The following AGAP1 variants were observed in gnomAD, a reference collection of about 807,000 sequenced individuals.
AGAP1 encodes the protein arf-GAP with GTPase, ANK repeat and PH domain-containing protein 1.
A neutral mutation model predicts 105.3 loss-of-function variants in AGAP1; 29 were observed. The ratio of observed to expected loss-of-function variants is 0.28; its 90% confidence interval spans 0.21 to 0.38. AGAP1 has a LOEUF of 0.38. Ranked by LOEUF, AGAP1 falls within the 10% of genes least tolerant of loss-of-function variation. AGAP1 has a pLI of 1.00. For synonymous variants in AGAP1, 509 were observed against 485.9 expected (o/e 1.05, Z -0.63); for missense variants, 998 against 1,165.1 (o/e 0.86, Z 2.09).
At chr2:235,686,640 T>TATATATAG (rs1949435368) in intron 1 of AGAP1, among the ~76,000 whole-genome samples, 2 of 48,654 alleles carry the variant, frequency 4.1e-5, no homozygotes, top group Non-Finnish European at 7.3e-5. Context: ...TATATATATA[T>TATATATAG]ATATAGATAT....
chr2:235,936,035 T>C lies in AGAP1; in HGVS notation c.1483+5112T>C, dbSNP rs1052867415. On this transcript the variant is annotated intron_variant, in intron 12 of 17. Coordinates refer to ENST00000304032, the MANE Select transcript of AGAP1 (RefSeq NM_001037131.3). This position sits in a 1 kb window ranked among gnomAD's most constrained non-coding sequence, Gnocchi z 4.7. ...CTCGTCGGGTGGTCTCAGCTAATGC[T>C]GTTGCCATGGCAGCCTCGCTCCCCC... Among the ~76,000 whole-genome samples the C allele has an allele frequency of 6.6e-6, 1 of 152,202 alleles. No homozygotes were observed. The highest frequency in any genetic ancestry group is 1.5e-5 in the Non-Finnish European group (1 of 68,038).
At chr2:235,513,867 T>C (rs114593976) in intron 1 of AGAP1, among the ~76,000 whole-genome samples, 1,944 of 152,294 alleles carry the variant, frequency 0.013, 31 homozygotes, top group African/African-American at 0.044. Flanking sequence ...TGGAGTCCTT[T>C]CTTAGTTAAA....
In AGAP1 at chr2:235,906,706, A is replaced by G. The variant is rs1280779300; in HGVS notation, c.1156-2032A>G. ...CCTGACCATGGTTGGGCAGGGAGAA[A>G]ACAGCTCTTCTCATCCTCTGCCCTG... On this transcript the variant is annotated intron_variant, in intron 10 of 17. Coordinates refer to ENST00000304032, the MANE Select transcript of AGAP1 (RefSeq NM_001037131.3). This position sits in a 1 kb window ranked among gnomAD's most constrained non-coding sequence, Gnocchi z 5.3. 1.3e-5 allele frequency among the ~76,000 whole-genome samples: 2 copies of G among 150,220 alleles called. No homozygotes were observed. The highest frequency in any genetic ancestry group is 2.9e-5 in the Non-Finnish European group (2 of 68,028).
chr2:235,848,988 C>G (rs755108443), intron 9 of AGAP1, among the ~76,000 whole-genome samples: 1 of 152,172 alleles, frequency 6.6e-6, no homozygotes, highest in Non-Finnish European at 1.5e-5. Flanking sequence ...CATGTTGTTC[C>G]TTAAAGCTCT....
chr2:235,761,182 T>G lies in AGAP1; in HGVS notation c.673+10694T>G, dbSNP rs72975262. ...AAACAACCAGAGACAATAAATAAAT[T>G]GTTATTTAGTGATGTTGCAGAATAT... On this transcript the variant is annotated intron_variant, in intron 6 of 17. Coordinates refer to ENST00000304032, the MANE Select transcript of AGAP1 (RefSeq NM_001037131.3). 5.6e-3 allele frequency among the ~76,000 whole-genome samples: 846 copies of G among 152,258 alleles called. 3 individuals carry two copies. Among genetic ancestry groups the G allele is most frequent in the Non-Finnish European group, 9.1e-3 (618 of 68,012 alleles).
chr2:235,593,073 G>T (rs750247296), intron 1 of AGAP1, among the ~76,000 whole-genome samples: 1 of 152,174 alleles, frequency 6.6e-6, no homozygotes, highest in African/African-American at 2.4e-5. Flanking sequence ...GAGATGGCTC[G>T]GAAGTGAGGG....
intron 1 of AGAP1, among the ~76,000 whole-genome samples, chr2:235,529,792 A>T (rs898317350): frequency 2.6e-5 from 4 of 152,178 alleles, no homozygotes; most frequent in African/African-American, 9.7e-5. Flanking sequence ...GTGGGCAGAA[A>T]TCGAGGCCCC....
intron 9 of AGAP1, among the ~76,000 whole-genome samples, chr2:235,811,810 C>T (rs905228017): frequency 5.3e-5 from 8 of 152,190 alleles, no homozygotes; most frequent in Non-Finnish European, 7.3e-5. Context: ...TAGCAGGACT[C>T]ACAGAGAGCT....
Position 236,055,964 on chromosome 2 carries a change from A to G in AGAP1, c.2114+6683A>G, listed in dbSNP as rs1320353031. ...TTCTGCTATAAATATTAAGCCAATT[A>G]GGAAAATGTACAAATGAGAAGTACG... On this transcript the variant is annotated intron_variant, in intron 16 of 17. Transcript: ENST00000304032. This position sits in a 1 kb window ranked among gnomAD's most constrained non-coding sequence, Gnocchi z 6.2. Among the ~76,000 whole-genome samples, 1 of 152,202 alleles carries G rather than the reference A, an allele frequency of 6.6e-6. No homozygotes were observed. Among genetic ancestry groups the G allele is most frequent in the Non-Finnish European group, 1.5e-5 (1 of 68,044 alleles).
intron 13 of AGAP1, among the ~76,000 whole-genome samples, chr2:235,974,549 G>A (rs2054779923): frequency 6.6e-6 from 1 of 152,172 alleles, no homozygotes; most frequent in Non-Finnish European, 1.5e-5. Flanking sequence ...TGTTCCTTTG[G>A]TTGTTCATTC....
chr2:235,594,655 A>G (rs901748031), intron 1 of AGAP1, among the ~76,000 whole-genome samples: 13 of 151,508 alleles, frequency 8.6e-5, no homozygotes, highest in African/African-American at 2.4e-4. Flanking sequence ...GCTCGCTGCA[A>G]CCTCCATCTT....
rs1164043948 is a variant in AGAP1 at position 235,789,103 on chromosome 2, T to A, written c.674-8656T>A. On this transcript the variant is annotated intron_variant, in intron 6 of 17. Transcript: ENST00000304032. The surrounding 1 kb of genome is among the most constrained non-coding windows in gnomAD (Gnocchi z 4.2). Reference sequence around the variant, plus strand: ...GTGTTTCCTGCAGCGTGATTTGAAGTCCCCTTTACCACAAATAACTACTTT... The same window carrying A: ...GTGTTTCCTGCAGCGTGATTTGAAGACCCCTTTACCACAAATAACTACTTT... 6.6e-6 allele frequency among the ~76,000 whole-genome samples: 1 copy of A among 152,210 alleles called. No individual in the cohort carries two copies. The highest frequency in any genetic ancestry group is 6.5e-5 in the Admixed American group (1 of 15,286).
intron 9 of AGAP1, among the ~76,000 whole-genome samples, chr2:235,819,676 C>G (rs1382383519): frequency 6.6e-6 from 1 of 151,950 alleles, no homozygotes; most frequent in Non-Finnish European, 1.5e-5. Flanking sequence ...CCTCCGATGC[C>G]CGTCCGATCT....
chr2:235,529,313 G>T (rs1942964539), intron 1 of AGAP1, among the ~76,000 whole-genome samples: 1 of 152,270 alleles, frequency 6.6e-6, no homozygotes, highest in African/African-American at 2.4e-5. Context: ...TTAGTGGACA[G>T]CCACTGTTGC....
In AGAP1 at chr2:236,001,203, T is replaced by C. The variant is rs1219821214; in HGVS notation, c.1645+32580T>C. ...GAGAATGCTGAGATAAACGCCACCA[T>C]CAGAAACCAAGAGAAAGGAAAGGGA... On this transcript the variant is annotated intron_variant, in intron 13 of 17. Coordinates refer to ENST00000304032, the MANE Select transcript of AGAP1 (RefSeq NM_001037131.3). This position sits in a 1 kb window ranked among gnomAD's most constrained non-coding sequence, Gnocchi z 4.7. 6.6e-6 allele frequency among the ~76,000 whole-genome samples: 1 copy of C among 152,018 alleles called. No homozygotes were observed. Among genetic ancestry groups the C allele is most frequent in the African/African-American group, 2.4e-5 (1 of 41,384 alleles).
At chr2:235,854,100 C>CA (rs2048587164) in intron 9 of AGAP1, among the ~76,000 whole-genome samples, 1 of 152,100 alleles carries the variant, frequency 6.6e-6, no homozygotes, top group Non-Finnish European at 1.5e-5. Flanking sequence ...TCCAAATACT[C>CA]AGCTAGAGAG....
rs555728453 is a variant in AGAP1 at position 235,500,761 on chromosome 2, C to T, written c.163+5912C>T. On this transcript the variant is annotated intron_variant, in intron 1 of 17. Coordinates refer to ENST00000304032, the MANE Select transcript of AGAP1 (RefSeq NM_001037131.3). Reference sequence around the variant, plus strand: ...GGTGAGGGGCCTGTCGTGCCAGACCCCTTTAAATTTCATTAGGGATGGCAC... The same window carrying T: ...GGTGAGGGGCCTGTCGTGCCAGACCTCTTTAAATTTCATTAGGGATGGCAC... 3.3e-5 allele frequency among the ~76,000 whole-genome samples: 5 copies of T among 152,222 alleles called. No individual in the cohort carries two copies. The East Asian group carries it at 9.7e-4, about 29-fold the overall frequency.
At chr2:235,876,586 T>C (rs780769295) in intron 9 of AGAP1, among the ~76,000 whole-genome samples, 16 of 152,118 alleles carry the variant, frequency 1.1e-4, no homozygotes, top group Non-Finnish European at 2.1e-4. Flanking sequence ...GATACCAAAG[T>C]CTTCTTTTCC....
At position 235,551,409 on chromosome 2, in the gene AGAP1, C is replaced by T. The variant is rs546614583; in HGVS notation, c.163+56560C>T. Among the ~76,000 whole-genome samples the T allele has an allele frequency of 2.4e-4, 37 of 152,076 alleles. 1 individual carries two copies. The highest frequency in any genetic ancestry group is 3.8e-4 in the Non-Finnish European group (26 of 67,978). Reference sequence around the variant, plus strand: ...AGCCTCAACCTCCCCAGGCTCAGGTCGTCCTCCCAGCTCAGCCTCCCAAGT... The same window carrying T: ...AGCCTCAACCTCCCCAGGCTCAGGTTGTCCTCCCAGCTCAGCCTCCCAAGT... On this transcript the variant is annotated intron_variant, in intron 1 of 17. Coordinates refer to ENST00000304032, the MANE Select transcript of AGAP1 (RefSeq NM_001037131.3). The surrounding 1 kb of genome is among the most constrained non-coding windows in gnomAD (Gnocchi z 4.8).
Sources: allele counts gnomAD v4.1 joint callset (sites outside exome capture counted in the v4.1 genomes callset), GRCh38; gene constraint gnomAD v4.1.1; non-coding constraint Gnocchi (gnomAD v3.1); transcripts MANE v1.5; gene names NCBI Gene and HGNC (gene_info 2026-07-23, HGNC 2026-07-21).